The following CDH11 variants were observed in gnomAD, a reference collection of about 807,000 sequenced individuals.
The protein encoded by CDH11 is cadherin 11, also known as cadherin-11.
In CDH11, 11 loss-of-function variants were observed where a neutral mutation model predicts 67.8. The ratio of observed to expected loss-of-function variants is 0.16; its 90% CI spans 0.10 to 0.27. The LOEUF is 0.27. Ranked by LOEUF, CDH11 falls within the 10% of genes least tolerant of loss-of-function variation. The pLI is 1.00. For missense variants in CDH11, 847 were observed against 1,031.2 expected (o/e 0.82, Z 2.45); for synonymous variants, 419 against 400.0 (o/e 1.05, Z -0.57).
intron 2 of CDH11, among the ~76,000 whole-genome samples, chr16:65,033,614 G>A (rs542289892): frequency 4.6e-5 from 7 of 152,212 alleles, no homozygotes; most frequent in Non-Finnish European, 1.0e-4. Context: ...TTGTGTGCCT[G>A]TAGTCCCAGC....
intron 11 of CDH11, among the ~76,000 whole-genome samples, chr16:64,964,880 T>A (rs561291014): frequency 2.0e-5 from 3 of 152,022 alleles, no homozygotes; most frequent in Non-Finnish European, 4.4e-5. Context: ...ACATTTAGGC[T>A]ACACTAAACT....
At chr16:65,032,486 GA>G (rs1187749034) in intron 2 of CDH11, among the ~76,000 whole-genome samples, 1 of 151,928 alleles carries the variant, frequency 6.6e-6, no homozygotes, top group African/African-American at 2.4e-5. Flanking sequence ...TGAGGAAAAA[GA>G]GACAGAGAGA....
At chr16:65,045,704 C>T (rs577224780) in intron 2 of CDH11, among the ~76,000 whole-genome samples, 1 of 152,142 alleles carries the variant, frequency 6.6e-6, no homozygotes, top group Admixed American at 6.5e-5. Flanking sequence ...ACAGAGAGTA[C>T]AGGCGGAGTC....
intron 2 of CDH11, among the ~76,000 whole-genome samples, chr16:65,047,110 C>T (rs77252873): frequency 0.033 from 4,995 of 152,044 alleles, 117 homozygotes; most frequent in Non-Finnish European, 0.053. Context: ...TGAGACTCTG[C>T]CTCAAAAAAT....
chr16:64,965,068 A>AT (rs1425622984), intron 11 of CDH11, among the ~76,000 whole-genome samples: 2 of 151,288 alleles, frequency 1.3e-5, no homozygotes, highest in African/African-American at 2.4e-5. Context: ...CCTTTTAAAT[A>AT]TTTTTGTTGG....
At chr16:65,068,252 G>A (rs962987679) in intron 1 of CDH11, among the ~76,000 whole-genome samples, 3 of 151,804 alleles carry the variant, frequency 2.0e-5, no homozygotes, top group Non-Finnish European at 4.4e-5. Context: ...GAAACTGCAA[G>A]ATAAAGTAAT....
At chr16:64,975,090 G>A (rs555004564) in intron 8 of CDH11, among the ~76,000 whole-genome samples, 2 of 152,290 alleles carry the variant, frequency 1.3e-5, no homozygotes, top group East Asian at 1.9e-4. Context: ...AGCTGGGATT[G>A]TAGGAACCTG....
At chr16:64,956,397 G>A (rs1446709156) in intron 11 of CDH11, among the ~76,000 whole-genome samples, 4 of 152,204 alleles carry the variant, frequency 2.6e-5, no homozygotes, top group Non-Finnish European at 5.9e-5. Flanking sequence ...TGGCAAAGGA[G>A]GAAAGTGAAT....
chr16:65,027,848 C>T (rs991585819), intron 2 of CDH11, among the ~76,000 whole-genome samples: 2 of 152,148 alleles, frequency 1.3e-5, no homozygotes, highest in African/African-American at 2.4e-5. Flanking sequence ...AGGTTTTAAA[C>T]CTCAGCAATC....
chr16:65,113,998 C>T (rs1686115703), intron 1 of CDH11, among the ~76,000 whole-genome samples: 1 of 152,032 alleles, frequency 6.6e-6, no homozygotes, highest in South Asian at 2.1e-4. Context: ...AATTGCAGAG[C>T]CTTCAAGAAA....
intron 11 of CDH11, among the ~76,000 whole-genome samples, chr16:64,957,880 C>G (rs1176737007): frequency 6.6e-6 from 1 of 152,160 alleles, no homozygotes; most frequent in Non-Finnish European, 1.5e-5. Context: ...TGTTTACCAT[C>G]TTCAATCCAA....
At chr16:65,004,552 A>T in intron 3 of CDH11, 90 bp downstream of exon 3, 1 of 1,331,548 alleles carries the variant, frequency 7.5e-7, no homozygotes, top group Non-Finnish European at 1.0e-6. Context: ...TCTCTCTTAG[A>T]TGCCTGTGGG....
chr16:65,018,350 C>T (rs1398044178), intron 2 of CDH11, among the ~76,000 whole-genome samples: 1 of 152,070 alleles, frequency 6.6e-6, no homozygotes, highest in Non-Finnish European at 1.5e-5. Context: ...AATCTGAAAG[C>T]ACATCATTTT....
At position 65,053,910 on chromosome 16, in the gene CDH11, G is replaced by C; in HGVS notation, c.-279C>G. 1 of 456,050 alleles carries C rather than the reference G, an allele frequency of 2.2e-6. No individual in the cohort carries two copies. Among genetic ancestry groups the C allele is most frequent in the Non-Finnish European group, 4.4e-6 (1 of 226,798 alleles). 28.3% of individuals were successfully genotyped at this position (456,050 alleles called of 1,614,324 possible). ...CGAAGGAATGTCACAGGGCCGCTGAGCTGAAAACACAGTGATTTCTGCAAA... is the reference window on the plus strand; with the variant it reads ...CGAAGGAATGTCACAGGGCCGCTGACCTGAAAACACAGTGATTTCTGCAAA... On this transcript the variant is annotated 5_prime_UTR_variant, in exon 2 of 13. Transcript: ENST00000268603.
At chr16:65,057,543 A>G (rs1005525139) in intron 1 of CDH11, among the ~76,000 whole-genome samples, 13 of 152,180 alleles carry the variant, frequency 8.5e-5, no homozygotes, top group Non-Finnish European at 1.6e-4. Context: ...AAGCATACCA[A>G]AATCAAGGAA....
chr16:64,964,419 T>C (rs1016797981), intron 11 of CDH11, among the ~76,000 whole-genome samples: 10 of 152,250 alleles, frequency 6.6e-5, no homozygotes, highest in African/African-American at 2.4e-4. Context: ...AGATAAAAAA[T>C]GTTATGCCTG....
intron 8 of CDH11, chr16:64,981,246 C>G (rs940938731): frequency 1.3e-5 from 2 of 151,966 alleles, no homozygotes; most frequent in African/African-American, 4.8e-5. Context: ...GCTGGAATTA[C>G]AGGTGCATGC....
In CDH11 at chr16:65,003,560, A is replaced by G. The variant is rs1000562269; in HGVS notation, c.228+1082T>C. 2.6e-5 allele frequency among the ~76,000 whole-genome samples: 4 copies of G among 152,316 alleles called. No homozygotes were observed. The South Asian group carries it at 6.2e-4, about 24-fold the overall frequency. On this transcript the variant is annotated intron_variant, in intron 3 of 12. Transcript: ENST00000268603. ...GTGTGAGCCACTGTGCTGGCCGCACATATCTTTTTGCAGTTTTAATGTCAC... is the reference window on the plus strand; with the variant it reads ...GTGTGAGCCACTGTGCTGGCCGCACGTATCTTTTTGCAGTTTTAATGTCAC...
intron 2 of CDH11, among the ~76,000 whole-genome samples, chr16:65,052,773 G>A (rs577289328): frequency 6.6e-6 from 1 of 152,288 alleles, no homozygotes. Context: ...TACGTAATAG[G>A]TGACAATTTC....
Sources: gnomAD v4.1 joint callset for allele counts (sites outside exome capture counted in the v4.1 genomes callset) on GRCh38, gnomAD v4.1.1 for gene constraint, MANE v1.5 for transcripts, NCBI Gene and HGNC (gene_info 2026-07-23, HGNC 2026-07-21) for gene names.